Variants in CRYBG1 observed in about 807,000 individuals in gnomAD.
CRYBG1 encodes the protein crystallin beta-gamma domain containing 1.
A neutral mutation model predicts 189.2 loss-of-function variants in CRYBG1; 139 were observed. That is an observed-to-expected ratio of 0.73 (90% CI 0.64 to 0.85). The LOEUF is 0.85. CRYBG1 is among the 40% of genes least tolerant of loss of function. The pLI is 0.00. For synonymous variants in CRYBG1, 1,023 were observed against 1,017.1 expected (o/e 1.01, Z -0.11); for missense variants, 2,611 against 2,675.8 (o/e 0.98, Z 0.53).
At chr6:106,429,408 T>C (rs993088999) in intron 1 of CRYBG1, among the ~76,000 whole-genome samples, 1 of 147,620 alleles carries the variant, frequency 6.8e-6, no homozygotes, top group Non-Finnish European at 1.5e-5. Flanking sequence ...TATATATATA[T>C]AATTCTAGAG....
intron 8 of CRYBG1, among the ~76,000 whole-genome samples, chr6:106,533,670 G>A (rs1773924019): frequency 6.6e-6 from 1 of 152,160 alleles, no homozygotes; most frequent in Non-Finnish European, 1.5e-5. Context: ...TGTGGGGTAT[G>A]AGGGGCCAAG....
chr6:106,375,975 TA>T (rs1770155457), intron 1 of CRYBG1, among the ~76,000 whole-genome samples: 1 of 152,234 alleles, frequency 6.6e-6, no homozygotes, highest in Non-Finnish European at 1.5e-5. Context: ...TATACTATAA[TA>T]AAAATTACAT....
chr6:106,362,373 G>A (rs2114282885), intron 1 of CRYBG1, among the ~76,000 whole-genome samples: 1 of 152,292 alleles, frequency 6.6e-6, no homozygotes. Context: ...AAAAAACAAT[G>A]AGAGACAGGA....
chr6:106,485,434 C>G (rs1772576690), intron 2 of CRYBG1, among the ~76,000 whole-genome samples: 1 of 152,134 alleles, frequency 6.6e-6, no homozygotes, highest in African/African-American at 2.4e-5. Context: ...AATATAAGAT[C>G]ACATCATCTG....
At chr6:106,383,858 CT>C (rs1467241629) in intron 1 of CRYBG1, among the ~76,000 whole-genome samples, 39 of 152,326 alleles carry the variant, frequency 2.6e-4, no homozygotes, top group African/African-American at 9.1e-4. Flanking sequence ...TGATGACTAT[CT>C]GGGCTGGTGA....
intron 1 of CRYBG1, among the ~76,000 whole-genome samples, chr6:106,385,942 C>T (rs1484931258): frequency 2.0e-5 from 3 of 152,088 alleles, no homozygotes; most frequent in Admixed American, 6.6e-5. Flanking sequence ...ATGTGATGGC[C>T]TTCAATAACT....
intron 1 of CRYBG1, among the ~76,000 whole-genome samples, chr6:106,374,470 G>A (rs1216473209): frequency 6.6e-6 from 1 of 152,098 alleles, no homozygotes; most frequent in Non-Finnish European, 1.5e-5. Context: ...AGATGGGAGG[G>A]TTGCTTGAGG....
intron 1 of CRYBG1, among the ~76,000 whole-genome samples, chr6:106,440,014 G>C (rs1209363929): frequency 6.6e-6 from 1 of 152,184 alleles, no homozygotes; most frequent in Non-Finnish European, 1.5e-5. Context: ...ACATCCTTCA[G>C]TTCTCTGTGT....
chr6:106,362,049 C>A (rs1337339106), intron 1 of CRYBG1, among the ~76,000 whole-genome samples: 2 of 149,456 alleles, frequency 1.3e-5, no homozygotes, highest in African/African-American at 4.9e-5. Context: ...CGGCTCACTG[C>A]AAGCTCCACC....
At chr6:106,503,504 T>C (rs2114512589) in intron 2 of CRYBG1, among the ~76,000 whole-genome samples, 1 of 152,322 alleles carries the variant, frequency 6.6e-6, no homozygotes, top group South Asian at 2.1e-4. Flanking sequence ...TTATAATTTC[T>C]AACAAGAAAA....
At chr6:106,526,348 T>C (rs1042367569) in intron 6 of CRYBG1, among the ~76,000 whole-genome samples, 4 of 152,342 alleles carry the variant, frequency 2.6e-5, no homozygotes, top group South Asian at 4.1e-4. Flanking sequence ...TGCTAGAGAA[T>C]TGGCCACTAA....
At chr6:106,447,552 ATAT>A (rs1771688340) in intron 1 of CRYBG1, among the ~76,000 whole-genome samples, 1 of 53,194 alleles carries the variant, frequency 1.9e-5, no homozygotes, top group Admixed American at 2.2e-4. Context: ...TCATAAATAT[ATAT>A]ATATATATAT....
rs59943398 is a variant in CRYBG1, at chr6:106,447,547, A to AATATATATATATATAT, written c.174-4136_174-4121dup. 3.3e-3 allele frequency among the ~76,000 whole-genome samples: 463 copies of AATATATATATATATAT among 140,982 alleles called. 6 individuals are homozygous for AATATATATATATATAT. Among genetic ancestry groups the AATATATATATATATAT allele is most frequent in the East Asian group, 9.5e-3 (44 of 4,608 alleles). 92.5% of individuals were successfully genotyped at this position (140,982 alleles called of 152,430 possible). A position where few individuals can be genotyped will look rare whatever the true frequency, so the allele number is the denominator to read the frequency against. ...ATGCTTGTACCTCATGTACCTCATAAATATATATATATATATATATATATA... is the reference window on the plus strand; with the variant it reads ...ATGCTTGTACCTCATGTACCTCATAAATATATATATATATATATATATATATATATATATATATATA... On this transcript the variant is annotated intron_variant, in intron 1 of 21. Coordinates refer to ENST00000633556, the MANE Select transcript of CRYBG1 (RefSeq NM_001371242.2).
intron 1 of CRYBG1, among the ~76,000 whole-genome samples, chr6:106,369,248 C>T (rs187172269): frequency 6.6e-6 from 1 of 152,332 alleles, no homozygotes; most frequent in East Asian, 1.9e-4. Context: ...ATAGCTAACA[C>T]ACACAAAAAG....
chr6:106,401,295 A>G (rs569073914), intron 1 of CRYBG1, among the ~76,000 whole-genome samples: 116 of 152,182 alleles, frequency 7.6e-4, no homozygotes, highest in African/African-American at 2.5e-3. Flanking sequence ...ATTATCTACT[A>G]CAGAGAGGGT....
At chr6:106,516,417 A>G (rs895304330) in intron 3 of CRYBG1, among the ~76,000 whole-genome samples, 6 of 152,064 alleles carry the variant, frequency 3.9e-5, no homozygotes, top group Non-Finnish European at 7.4e-5. Context: ...TATTTTTAGT[A>G]GAGACAGGGT....
At chr6:106,508,757 ATTAT>A (rs1773181678) in intron 2 of CRYBG1, among the ~76,000 whole-genome samples, 2 of 152,150 alleles carry the variant, frequency 1.3e-5, no homozygotes, top group Non-Finnish European at 2.9e-5. Context: ...GTTTTTAGCT[ATTAT>A]GAATGAATGA....
chr6:106,517,329 CACATATATATAT>C (rs1773449421), intron 3 of CRYBG1, among the ~76,000 whole-genome samples: 1 of 122,362 alleles, frequency 8.2e-6, no homozygotes, highest in African/African-American at 3.7e-5. Context: ...TATATATATA[CACATATATATAT>C]ACACACACAT....
intron 2 of CRYBG1, among the ~76,000 whole-genome samples, chr6:106,467,805 C>T (rs1346080852): frequency 6.6e-6 from 1 of 152,052 alleles, no homozygotes; most frequent in East Asian, 1.9e-4. Context: ...AATTGTCCCA[C>T]TAAGAGTAAA....
Sources: gnomAD v4.1 joint callset for allele counts (sites outside exome capture counted in the v4.1 genomes callset) on GRCh38, gnomAD v4.1.1 for gene constraint, MANE v1.5 for transcripts, NCBI Gene and HGNC (gene_info 2026-07-23, HGNC 2026-07-21) for gene names.